RIC1: variants seen among roughly 807,000 people sequenced by gnomAD.
RIC1 encodes the protein RIC1 partner of RAB6A GEF complex, also known as guanine nucleotide exchange factor subunit RIC1.
RIC1 carries 88 observed loss-of-function variants against 169.0 expected under a neutral mutation model. The ratio of observed to expected loss-of-function variants is 0.52; its 90% CI spans 0.44 to 0.62. RIC1 has a LOEUF of 0.62. RIC1 is among the 20% of genes least tolerant of loss of function. RIC1 has a pLI of 0.00. For missense variants in RIC1, 1,877 were observed against 1,725.5 expected (o/e 1.09, Z -1.56); for synonymous variants, 790 against 601.5 (o/e 1.31, Z -4.59).
At chr9:5,670,942 G>C (rs1224854725) in intron 2 of RIC1, among the ~76,000 whole-genome samples, 1 of 152,158 alleles carries the variant, frequency 6.6e-6, no homozygotes, top group Admixed American at 6.5e-5. Flanking sequence ...CTTCTGAGTA[G>C]GACCACAGGA....
In RIC1 at chr9:5,776,306, C is replaced by T. The variant is rs879457745; in HGVS notation, c.*2060C>T. 9 of 152,058 alleles carry T rather than the reference C, an allele frequency of 5.9e-5. No homozygotes were observed. Among genetic ancestry groups the T allele is most frequent in the Admixed American group, 3.3e-4 (5 of 15,270 alleles). The allele number at this position is 152,058 out of a possible 1,614,324, so 9.4% of individuals were successfully genotyped here. The stretch of plus-strand genomic sequence containing the variant: ...TGTTATATACCTTAATTTTTAAAAA[C>T]CCATTTTTATTGTGGTGTTTGGTTC... On this transcript the variant is annotated 3_prime_UTR_variant, in exon 26 of 26. Transcript: ENST00000414202.
intron 3 of RIC1, among the ~76,000 whole-genome samples, chr9:5,705,540 T>C (rs927077864): frequency 6.6e-6 from 1 of 152,184 alleles, no homozygotes; most frequent in African/African-American, 2.4e-5. Flanking sequence ...CTGTGGATTC[T>C]TTAGAATTTT....
At chr9:5,739,686 A>T (rs1021564822) in intron 8 of RIC1, among the ~76,000 whole-genome samples, 1 of 152,144 alleles carries the variant, frequency 6.6e-6, no homozygotes, top group African/African-American at 2.4e-5. Flanking sequence ...TAATCCTCAG[A>T]CAAAGGTGGA....
chr9:5,721,641 G>C (rs1390343962), intron 6 of RIC1, among the ~76,000 whole-genome samples: 2 of 152,154 alleles, frequency 1.3e-5, no homozygotes, highest in Non-Finnish European at 2.9e-5. Flanking sequence ...TCAGCCTTCA[G>C]GCACTTTTTG....
chr9:5,758,722 C>CT (rs754931692), intron 17 of RIC1, among the ~76,000 whole-genome samples: 7,339 of 98,370 alleles, frequency 0.075, 583 homozygotes, highest in African/African-American at 0.21. Context: ...GGTCTCCCTT[C>CT]TTTTTTTTTT....
intron 3 of RIC1, among the ~76,000 whole-genome samples, chr9:5,704,862 A>G (rs1822470221): frequency 6.6e-6 from 1 of 152,166 alleles, no homozygotes. Flanking sequence ...ATGTGAGATA[A>G]GGATCCAACT....
chr9:5,702,283 T>C (rs984459200), intron 3 of RIC1, among the ~76,000 whole-genome samples: 4 of 152,174 alleles, frequency 2.6e-5, no homozygotes, highest in Admixed American at 1.3e-4. Flanking sequence ...ATGAGGTATA[T>C]TAGTCTATTC....
chr9:5,724,216 G>A (rs1162822534), intron 6 of RIC1, among the ~76,000 whole-genome samples: 1 of 152,158 alleles, frequency 6.6e-6, no homozygotes, highest in Non-Finnish European at 1.5e-5. Flanking sequence ...TCATTTGTTT[G>A]TGTCCTCTTT....
chr9:5,749,522 C>T (rs921631505), intron 12 of RIC1, among the ~76,000 whole-genome samples: 11 of 152,030 alleles, frequency 7.2e-5, no homozygotes, highest in African/African-American at 1.4e-4. Context: ...ATTTTGTTTG[C>T]GTGATTTATT....
chr9:5,681,130 T>TA (rs539873109), intron 2 of RIC1, among the ~76,000 whole-genome samples: 123 of 152,284 alleles, frequency 8.1e-4, no homozygotes, highest in Non-Finnish European at 1.4e-3. Flanking sequence ...CCGGCCGATT[T>TA]TTTTTAAGGT....
chr9:5,710,759 A>G (rs1822883081), intron 3 of RIC1, among the ~76,000 whole-genome samples: 1 of 152,206 alleles, frequency 6.6e-6, no homozygotes, highest in East Asian at 1.9e-4. Flanking sequence ...ACAAGGTAGG[A>G]TGGTTTAAGA....
intron 15 of RIC1, 53 bp downstream of exon 15, chr9:5,754,983 C>A: frequency 8.6e-7 from 1 of 1,167,854 alleles, no homozygotes; most frequent in Non-Finnish European, 1.2e-6. Context: ...AGCTATTAAG[C>A]ATGAATTAAT....
intron 4 of RIC1, among the ~76,000 whole-genome samples, chr9:5,718,659 CAT>C (rs1357855006): frequency 6.6e-6 from 1 of 152,164 alleles, no homozygotes; most frequent in African/African-American, 2.4e-5. Flanking sequence ...GCATCTAAAA[CAT>C]AAACTTTTTA....
intron 16 of RIC1, among the ~76,000 whole-genome samples, chr9:5,756,590 T>A (rs146586607): frequency 6.6e-6 from 1 of 152,054 alleles, no homozygotes; most frequent in African/African-American, 2.4e-5. Context: ...CTTCCTGGAG[T>A]CATTTGAAAA....
At position 5,712,645 on chromosome 9, in the gene RIC1, T is replaced by C. The variant is rs141286553; in HGVS notation, c.333-1251T>C. 8.4e-3 allele frequency among the ~76,000 whole-genome samples: 1,276 copies of C among 152,348 alleles called. 14 individuals are homozygous for C. The highest frequency in any genetic ancestry group is 0.03 in the African/African-American group (1,228 of 41,574). On this transcript the variant is annotated intron_variant, in intron 3 of 25. Transcript: ENST00000414202. ...TTCTAGCCCTATTTGAATTTTAACT[T>C]CTGTATATATATTACTTTGGAAAAT...
intron 2 of RIC1, among the ~76,000 whole-genome samples, chr9:5,670,550 C>T (rs1820027222): frequency 6.6e-6 from 1 of 152,102 alleles, no homozygotes; most frequent in Non-Finnish European, 1.5e-5. Context: ...AATTCTTAAC[C>T]ATGTAATATA....
At chr9:5,683,222 C>G (rs1820971568) in intron 2 of RIC1, among the ~76,000 whole-genome samples, 1 of 152,186 alleles carries the variant, frequency 6.6e-6, no homozygotes, top group Admixed American at 6.5e-5. Flanking sequence ...AAGAGGCACT[C>G]TGATTTTTAG....
At chr9:5,634,762 C>A (rs1817887003) in intron 1 of RIC1, among the ~76,000 whole-genome samples, 1 of 152,104 alleles carries the variant, frequency 6.6e-6, no homozygotes, top group Admixed American at 6.6e-5. Context: ...CCTGTGCTTT[C>A]CATGTCATCC....
At chr9:5,695,931 C>G (rs1201664564) in intron 3 of RIC1, among the ~76,000 whole-genome samples, 2 of 150,852 alleles carry the variant, frequency 1.3e-5, no homozygotes, top group Non-Finnish European at 2.9e-5. Context: ...CCCTGCCAAG[C>G]CAAACATGCT....
Sources: gnomAD v4.1 joint callset for allele counts (sites outside exome capture counted in the v4.1 genomes callset) on GRCh38, gnomAD v4.1.1 for gene constraint, MANE v1.5 for transcripts, NCBI Gene and HGNC (gene_info 2026-07-23, HGNC 2026-07-21) for gene names.